The following ZBED6 variants were observed in gnomAD, a reference collection of about 807,000 sequenced individuals.
The protein encoded by ZBED6 is zinc finger BED domain-containing protein 6.
In ZBED6, 40 loss-of-function variants were observed where a neutral mutation model predicts 58.4. The observed-to-expected ratio is 0.68, with a 90% confidence interval of 0.53 to 0.89. The LOEUF (loss-of-function observed/expected upper bound fraction) is 0.89. ZBED6 is among the 40% of genes least tolerant of loss of function. The pLI is 0.00. For synonymous variants in ZBED6, 439 were observed against 350.6 expected (o/e 1.25, Z -2.82); for missense variants, 1,057 against 1,003.9 (o/e 1.05, Z -0.71).
At chr1:203,806,227 G>C (rs530137752) in intron 1 of ZBED6, 8 of 376,244 alleles carry the variant, frequency 2.1e-5, no homozygotes, top group African/African-American at 1.5e-4. Flanking sequence ...GCTGGGCAGC[G>C]GAGCCTTAAT....
chr1:203,830,113 G>A lies in ZBED6; in HGVS notation c.*3319-10G>A. 6.3e-7 allele frequency: 1 copy of A among 1,585,128 alleles called. No homozygotes were observed. Among genetic ancestry groups the A allele is most frequent in the Non-Finnish European group, 8.6e-7 (1 of 1,164,770 alleles). Reference sequence around the variant, plus strand: ...CCCGTTCCTCATAAAATTTCTATTTGAATTTTCAGGTGAATGTTTGAATTT... The same window carrying A: ...CCCGTTCCTCATAAAATTTCTATTTAAATTTTCAGGTGAATGTTTGAATTT... On this transcript the variant is annotated splice_polypyrimidine_tract_variant and intron_variant, in intron 6 of 16. Coordinates refer to ENST00000550078, the Ensembl canonical transcript of ZBED6.
At chr1:203,796,380 C>G in exon 1 of ZBED6, 1 of 398,972 alleles carries the variant, frequency 2.5e-6, no homozygotes, top group Non-Finnish European at 4.4e-6. Flanking sequence ...TCCCCACTCT[C>G]ATTACACTCC....
chr1:203,797,452 A>C, exon 1 of ZBED6: 100 of 1,283,960 alleles, frequency 7.8e-5, no homozygotes, highest in Non-Finnish European at 9.8e-5. Context: ...GTAGAGAGGA[A>C]CAGCTGTATT....
chr1:203,804,354 G>A (rs910696472), intron 1 of ZBED6, among the ~76,000 whole-genome samples: 20 of 151,856 alleles, frequency 1.3e-4, no homozygotes, highest in Admixed American at 5.3e-4. Flanking sequence ...GGGTTTCACC[G>A]TGTTAGACAG....
intron 4 of ZBED6, chr1:203,829,198 T>C: frequency 1.9e-6 from 1 of 539,058 alleles, no homozygotes; most frequent in South Asian, 2.2e-5. Context: ...ACAGGTACTA[T>C]GCTTCTTCTA....
exon 1 of ZBED6, chr1:203,795,718 C>A (rs1668167325): frequency 1.3e-5 from 2 of 152,312 alleles, no homozygotes; most frequent in Admixed American, 6.5e-5. Flanking sequence ...ACGGCAGCGG[C>A]CAAGCAAGAA....
At chr1:203,803,659 G>T (rs948433496) in intron 1 of ZBED6, among the ~76,000 whole-genome samples, 1 of 152,220 alleles carries the variant, frequency 6.6e-6, no homozygotes, top group African/African-American at 2.4e-5. Context: ...AGGCTGGAGT[G>T]CAGTGGCATG....
At chr1:203,826,532 T>A (rs1680589357) in intron 3 of ZBED6, among the ~76,000 whole-genome samples, 1 of 152,208 alleles carries the variant, frequency 6.6e-6, no homozygotes, top group South Asian at 2.1e-4. Flanking sequence ...TGTTTGAGAC[T>A]GCCTGATTCT....
intron 1 of ZBED6, among the ~76,000 whole-genome samples, chr1:203,809,089 C>G (rs1049674412): frequency 6.6e-6 from 1 of 151,816 alleles, no homozygotes; most frequent in Non-Finnish European, 1.5e-5. Context: ...CTCGGCCTCC[C>G]AAAGTGCTAG....
intron 3 of ZBED6, among the ~76,000 whole-genome samples, chr1:203,825,078 A>G (rs1680063025): frequency 6.7e-6 from 1 of 149,544 alleles, no homozygotes. Context: ...CTCCGTCTCA[A>G]AAAAAAAAAA....
Position 203,840,382 on chromosome 1 carries a change from A to T in ZBED6, c.*3741+8A>T. On this transcript the variant is annotated splice_region_variant and intron_variant, in intron 11 of 16. Transcript: ENST00000550078. ...ATAATGAGGATGCAACAGGTAAGTA[A>T]ATCCTAAGACCAGATTCTGATTATT... The T allele has an allele frequency of 1.9e-6, 3 of 1,611,488 alleles. No individual in the cohort carries two copies. The highest frequency in any genetic ancestry group is 2.5e-6 in the Non-Finnish European group (3 of 1,178,380).
At chr1:203,815,216 C>CTTTTTTTTTTTTTTTTTTTTTTT in intron 1 of ZBED6, among the ~76,000 whole-genome samples, 1 of 97,154 alleles carries the variant, frequency 1.0e-5, no homozygotes, top group Non-Finnish European at 1.9e-5. Context: ...CTTTTCTTTT[C>CTTTTTTTTTTTTTTTTTTTTTTT]TTTTTTTTTT....
At chr1:203,850,583 C>G in exon 15 of ZBED6, 2 of 1,614,034 alleles carry the variant, frequency 1.2e-6, no homozygotes, top group Non-Finnish European at 1.7e-6. Flanking sequence ...GGCCCCAAAA[C>G]GTAAGGCAGT....
chr1:203,815,276 G>A lies in ZBED6; in HGVS notation c.*2555-1650G>A, dbSNP rs1345667208. On this transcript the variant is annotated intron_variant, in intron 1 of 16. Coordinates refer to ENST00000550078, the Ensembl canonical transcript of ZBED6. ...GTTGCCCAAGCTGGAGTGCAGTGGCGCAATGTCAGCTCACTGCAACCTCTG... is the reference window on the plus strand; with the variant it reads ...GTTGCCCAAGCTGGAGTGCAGTGGCACAATGTCAGCTCACTGCAACCTCTG... Among the ~76,000 whole-genome samples, 7 of 130,384 alleles carry A rather than the reference G, an allele frequency of 5.4e-5. No homozygotes were observed. In the East Asian group the frequency reaches 1.3e-3, roughly 23 times the overall value. 85.5% of individuals were successfully genotyped at this position (130,384 alleles called of 152,430 possible).
intron 1 of ZBED6, among the ~76,000 whole-genome samples, chr1:203,809,783 G>A (rs1467713275): frequency 6.6e-6 from 1 of 151,862 alleles, no homozygotes; most frequent in Non-Finnish European, 1.5e-5. Flanking sequence ...GTGAAACCCC[G>A]TCTCTACTAA....
exon 1 of ZBED6, chr1:203,800,616 T>C: frequency 1.5e-6 from 1 of 646,074 alleles, no homozygotes; most frequent in South Asian, 3.4e-5. Context: ...AATATAATTT[T>C]GATAAAATGA....
At chr1:203,799,560 C>T (rs1480259676) in exon 1 of ZBED6, 7 of 702,876 alleles carry the variant, frequency 1.0e-5, no homozygotes, top group Non-Finnish European at 1.6e-5. Flanking sequence ...GCTCACCTCC[C>T]TTCAGTGGAC....
intron 1 of ZBED6, among the ~76,000 whole-genome samples, chr1:203,804,494 A>G (rs1336735015): frequency 2.0e-5 from 3 of 151,716 alleles, no homozygotes; most frequent in Non-Finnish European, 4.4e-5. Flanking sequence ...CTTCCTGTAT[A>G]TCTTTTTACT....
rs563831389 is a variant in ZBED6 at position 203,807,027 on chromosome 1, T to G, written c.*2554+4011T>G. Among the ~76,000 whole-genome samples the G allele has an allele frequency of 1.3e-5, 2 of 152,104 alleles. 1 individual carries two copies. Among genetic ancestry groups the G allele is most frequent in the East Asian group, 3.9e-4 (2 of 5,180 alleles). On this transcript the variant is annotated intron_variant, in intron 1 of 16. Coordinates refer to ENST00000550078, the Ensembl canonical transcript of ZBED6. ...TTCCTAGTCCCAGAATAAACCTTTT[T>G]GATTATGTAGTGTTATTTATTTTAT...
Sources: gnomAD v4.1 joint callset for allele counts (sites outside exome capture counted in the v4.1 genomes callset) on GRCh38, gnomAD v4.1.1 for gene constraint, MANE v1.5 for transcripts, NCBI Gene and HGNC (gene_info 2026-07-23, HGNC 2026-07-21) for gene names.